SLC24A2: variants seen among roughly 807,000 people sequenced by gnomAD.
The protein encoded by SLC24A2 is solute carrier family 24 member 2.
In SLC24A2, 36 loss-of-function variants were observed where a neutral mutation model predicts 62.0. The ratio of observed to expected loss-of-function variants is 0.58; its 90% CI spans 0.44 to 0.77. The LOEUF is 0.77. Among genes scored for constraint, SLC24A2 ranks in the 30% least tolerant of loss-of-function variants. SLC24A2 has a pLI of 0.00. For missense variants in SLC24A2, 846 were observed against 817.9 expected, an observed-to-expected ratio of 1.03 and a Z score of -0.42; for synonymous variants, 358 against 294.0, an observed-to-expected ratio of 1.22 and a Z score of -2.23.
At chr9:19,978,201 C>T in the SLC24A2 span, among the ~76,000 whole-genome samples, 37,010 of 152,072 alleles carry the variant, frequency 0.24, 5,263 homozygotes, top group South Asian at 0.4. Context: ...TGGTTTACAA[C>T]CATATAACTG....
intron 2 of SLC24A2, among the ~76,000 whole-genome samples, chr9:19,646,673 C>T (rs1033520106): frequency 2.0e-5 from 3 of 152,140 alleles, no homozygotes; most frequent in African/African-American, 4.8e-5. Context: ...AAGATATAAA[C>T]AGAGTCTCTC....
the SLC24A2 span, among the ~76,000 whole-genome samples, chr9:20,053,940 G>C: frequency 6.6e-6 from 1 of 152,094 alleles, no homozygotes; most frequent in Non-Finnish European, 1.5e-5. Context: ...GGTCCATCTG[G>C]CACTGCATGT....
chr9:20,106,633 T>C, the SLC24A2 span, among the ~76,000 whole-genome samples: 3 of 152,104 alleles, frequency 2.0e-5, no homozygotes, highest in Non-Finnish European at 4.4e-5. Flanking sequence ...AAAAGGCCTT[T>C]GACAAAATTC....
At chr9:20,062,778 C>G in the SLC24A2 span, among the ~76,000 whole-genome samples, 92 of 127,898 alleles carry the variant, frequency 7.2e-4, no homozygotes, top group Non-Finnish European at 1.3e-3. Context: ...CTACAATGAA[C>G]TCAAACAAAT....
At chr9:19,640,142 A>G (rs1370347631) in intron 2 of SLC24A2, among the ~76,000 whole-genome samples, 1 of 152,232 alleles carries the variant, frequency 6.6e-6, no homozygotes, top group African/African-American at 2.4e-5. Flanking sequence ...TGATCATAAC[A>G]TATTTAAGCA....
the SLC24A2 span, among the ~76,000 whole-genome samples, chr9:20,107,252 G>C: frequency 6.6e-6 from 1 of 152,054 alleles, no homozygotes; most frequent in Non-Finnish European, 1.5e-5. Context: ...TCAATATCGT[G>C]AAAATGGCCA....
chr9:20,073,917 G>T, the SLC24A2 span, among the ~76,000 whole-genome samples: 26 of 98,360 alleles, frequency 2.6e-4, no homozygotes, highest in African/African-American at 7.2e-4. Flanking sequence ...TCCTTGTGGG[G>T]AGATATATAT....
At chr9:20,091,571 A>G in the SLC24A2 span, among the ~76,000 whole-genome samples, 1 of 152,132 alleles carries the variant, frequency 6.6e-6, no homozygotes, top group Non-Finnish European at 1.5e-5. Flanking sequence ...GAAAAAAAAA[A>G]ATCTTCAACC....
chr9:19,802,752 A>G, the SLC24A2 span, among the ~76,000 whole-genome samples: 1 of 152,230 alleles, frequency 6.6e-6, no homozygotes, highest in Non-Finnish European at 1.5e-5. Context: ...TTTAGGCATC[A>G]ATATTTAATA....
At chr9:20,127,692 C>G in the SLC24A2 span, among the ~76,000 whole-genome samples, 1 of 152,018 alleles carries the variant, frequency 6.6e-6, no homozygotes, top group African/African-American at 2.4e-5. Context: ...ATCAAGGACA[C>G]TTATGAGAAG....
chr9:20,148,891 G>A, the SLC24A2 span, among the ~76,000 whole-genome samples: 1,099 of 152,112 alleles, frequency 7.2e-3, 5 homozygotes, highest in Non-Finnish European at 0.011. Flanking sequence ...CTTATGAAAC[G>A]TCTAAGGAGA....
chr9:20,194,192 T>A, the SLC24A2 span, among the ~76,000 whole-genome samples: 1 of 152,046 alleles, frequency 6.6e-6, no homozygotes, highest in Non-Finnish European at 1.5e-5. Context: ...CTTTTAAGCA[T>A]GTCATGAAAA....
At chr9:20,038,007 G>A in the SLC24A2 span, among the ~76,000 whole-genome samples, 1 of 152,212 alleles carries the variant, frequency 6.6e-6, no homozygotes, top group African/African-American at 2.4e-5. Flanking sequence ...AATTGGGAGG[G>A]TTTGGAGAAA....
chr9:19,796,145 T>A, the SLC24A2 span, among the ~76,000 whole-genome samples: 137 of 132,128 alleles, frequency 1.0e-3, no homozygotes, highest in African/African-American at 1.7e-3. Context: ...GGGGGAGGGA[T>A]AGCATTAGGA....
Position 19,509,870 on chromosome 9 carries a change from A to G in SLC24A2, c.*6283T>C, listed in dbSNP as rs1398985844. 5.9e-5 allele frequency: 9 copies of G among 152,118 alleles called. No homozygotes were observed. Among genetic ancestry groups the G allele is most frequent in the Admixed American group, 5.9e-4 (9 of 15,272 alleles). 9.4% of individuals were successfully genotyped at this position (152,118 alleles called of 1,614,324 possible). On this transcript the variant is annotated 3_prime_UTR_variant, in exon 11 of 11. Transcript: ENST00000341998. ...TGTAAGAATGCAGAAACAAATTCCC[A>G]TCCTTTTGGTGAACCCTGGCCCATG...
the SLC24A2 span, among the ~76,000 whole-genome samples, chr9:20,284,936 T>G: frequency 6.6e-6 from 1 of 152,210 alleles, no homozygotes; most frequent in Non-Finnish European, 1.5e-5. Context: ...ACAATGATAT[T>G]GTTTGAGAAG....
At chr9:19,637,485 C>T (rs998803568) in intron 2 of SLC24A2, among the ~76,000 whole-genome samples, 17 of 152,058 alleles carry the variant, frequency 1.1e-4, no homozygotes, top group African/African-American at 3.9e-4. Context: ...TTGCATTCAC[C>T]TTGAAAAAAC....
At chr9:19,838,567 A>G in the SLC24A2 span, among the ~76,000 whole-genome samples, 1 of 151,548 alleles carries the variant, frequency 6.6e-6, no homozygotes. Context: ...TGAACTTGGG[A>G]GGCGGAAGTT....
rs951938229 is a variant in SLC24A2 at position 19,513,822 on chromosome 9, A to G, written c.*2331T>C. The G allele has an allele frequency of 4.6e-5, 7 of 152,244 alleles. No homozygotes were observed. The highest frequency in any genetic ancestry group is 1.7e-4 in the African/African-American group (7 of 41,468). 9.4% of individuals were successfully genotyped at this position (152,244 alleles called of 1,614,324 possible). On this transcript the variant is annotated 3_prime_UTR_variant, in exon 11 of 11. Transcript: ENST00000341998. ...GTTGCCCTTCAAGAAATACACAGGG[A>G]AAACAACTGGAGTTTTTAAACGTAA...
Sources: allele counts gnomAD v4.1 joint callset (sites outside exome capture counted in the v4.1 genomes callset), GRCh38; gene constraint gnomAD v4.1.1; transcripts MANE v1.5; gene names NCBI Gene and HGNC (gene_info 2026-07-23, HGNC 2026-07-21).